Variants in CPT1A observed in about 807,000 individuals in gnomAD.
The protein encoded by CPT1A is carnitine palmitoyltransferase 1A, also known as carnitine O-palmitoyltransferase 1, liver isoform.
Under a neutral mutation model 100.8 loss-of-function variants are expected in CPT1A, and 64 were observed. The observed-to-expected ratio is 0.63, with a 90% CI of 0.52 to 0.78. CPT1A has a LOEUF of 0.78. Ranked by LOEUF, CPT1A falls within the 30% of genes least tolerant of loss-of-function variation. CPT1A has a pLI of 0.00. For missense variants in CPT1A, 802 were observed against 1,034.1 expected, an observed-to-expected ratio of 0.78 and a Z score of 3.08; for synonymous variants, 363 against 396.0, an observed-to-expected ratio of 0.92 and a Z score of 0.99.
chr11:68,821,908 T>C (rs1170124763), intron 1 of CPT1A, among the ~76,000 whole-genome samples: 1 of 151,916 alleles, frequency 6.6e-6, no homozygotes, highest in Admixed American at 6.6e-5. Flanking sequence ...CAATAGGGAG[T>C]GCAGATCTAA....
chr11:68,819,326 C>A (rs1480296967), intron 1 of CPT1A, among the ~76,000 whole-genome samples: 2 of 152,114 alleles, frequency 1.3e-5, no homozygotes, highest in African/African-American at 4.8e-5. Context: ...ATGATCCGCC[C>A]ACCTCGGCCT....
At chr11:68,836,205 G>A (rs1594381513) in intron 1 of CPT1A, among the ~76,000 whole-genome samples, 1 of 152,350 alleles carries the variant, frequency 6.6e-6, no homozygotes, top group African/African-American at 2.4e-5. Context: ...GCCCGGCGTG[G>A]TGGCTCATGC....
rs548620308 is a variant in CPT1A at position 68,763,274 on chromosome 11, T to G, written c.1741-513A>C. Among the ~76,000 whole-genome samples, 56 of 152,018 alleles carry G rather than the reference T, an allele frequency of 3.7e-4. No homozygotes were observed. In the Middle Eastern group the frequency reaches 0.027, roughly 74 times the overall value. On this transcript the variant is annotated intron_variant, in intron 14 of 18. Transcript: ENST00000265641. ...TGGGTCAGTTTCTAGGTTAACCAGG[T>G]TTCTGTTTCAAGATGCAACTGATAC...
chr11:68,767,609 T>C (rs116679162), intron 14 of CPT1A, among the ~76,000 whole-genome samples: 4,330 of 152,196 alleles, frequency 0.028, 191 homozygotes, highest in African/African-American at 0.096. Flanking sequence ...TACACATATA[T>C]ATGCCTTAGA....
At position 68,755,473 on chromosome 11, in the gene CPT1A, G is replaced by C. The variant is rs1037043083; in HGVS notation, c.*2171C>G. ...CGCCCAGGCTGGAGTGCAGTGGAGC[G>C]ATCTCGGCTCACTGCAAGCTCCGCC... is the stretch of plus-strand genomic sequence containing the variant. On this transcript the variant is annotated 3_prime_UTR_variant, in exon 19 of 19. Transcript: ENST00000265641. 1 of 153,138 alleles carries C rather than the reference G, an allele frequency of 6.5e-6. No individual in the cohort carries two copies. The highest frequency in any genetic ancestry group is 2.1e-4 in the South Asian group (1 of 4,862). 9.5% of individuals were successfully genotyped at this position (153,138 alleles called of 1,614,324 possible). A position where few individuals can be genotyped will look rare whatever the true frequency, so the allele number is the denominator to read the frequency against.
upstream of CPT1A, chr11:68,842,079 C>G (rs1857174114): frequency 1.8e-6 from 1 of 570,016 alleles, no homozygotes; most frequent in African/African-American, 2.0e-5. Context: ...GGAATGGGGT[C>G]TAGGACGAGA....
At chr11:68,788,630 TAAAAAAAAAAAA>T in intron 9 of CPT1A, among the ~76,000 whole-genome samples, 1 of 27,548 alleles carries the variant, frequency 3.6e-5, no homozygotes, top group Non-Finnish European at 6.2e-5. Context: ...CAAACAAAAG[TAAAAAAAAAAAA>T]AAAAAAAAAA....
rs1854968010 is a variant in CPT1A at position 68,770,878 on chromosome 11, A to T, written c.1740+2387T>A. 2.0e-5 allele frequency among the ~76,000 whole-genome samples: 3 copies of T among 152,182 alleles called. No individual in the cohort carries two copies. The South Asian group carries it at 6.2e-4, about 31-fold the overall frequency. ...CAGTGATGAGAGCCACAGGTTCTCG[A>T]ACAAGCCTGCCTGCTTCCGATCTCA... On this transcript the variant is annotated intron_variant, in intron 14 of 18. Transcript: ENST00000265641.
intron 13 of CPT1A, 150 bp downstream of exon 13, chr11:68,775,165 CG>C: frequency 1.5e-6 from 1 of 682,900 alleles, no homozygotes; most frequent in Non-Finnish European, 2.6e-6. Context: ...CGCAGACCCA[CG>C]GAACTCCCTG....
intron 12 of CPT1A, among the ~76,000 whole-genome samples, chr11:68,779,311 A>T (rs1855233314): frequency 6.6e-6 from 1 of 152,082 alleles, no homozygotes; most frequent in East Asian, 1.9e-4. Context: ...AAAGAAAAAG[A>T]TCTCAAGTCT....
intron 1 of CPT1A, among the ~76,000 whole-genome samples, chr11:68,817,227 G>A (rs1566379508): frequency 1.3e-5 from 2 of 151,320 alleles, no homozygotes; most frequent in South Asian, 2.1e-4. Context: ...TCCTGTTTTC[G>A]CCCACTGATG....
chr11:68,792,603 C>T (rs1017048551), intron 9 of CPT1A, among the ~76,000 whole-genome samples: 1 of 152,198 alleles, frequency 6.6e-6, no homozygotes, highest in Non-Finnish European at 1.5e-5. Context: ...CTGGTTTGGA[C>T]GGTGGCTTAC....
intron 14 of CPT1A, 109 bp from the exon 15 acceptor site, chr11:68,762,870 T>A: frequency 7.1e-7 from 1 of 1,417,890 alleles, no homozygotes; most frequent in Non-Finnish European, 9.8e-7. Context: ...ATTGTCAACA[T>A]TTTTTTGAGA....
At chr11:68,816,916 T>A (rs150644387) in intron 1 of CPT1A, among the ~76,000 whole-genome samples, 40 of 10,808 alleles carry the variant, frequency 3.7e-3, no homozygotes, top group Non-Finnish European at 0.012. Flanking sequence ...GTGTGTGTGG[T>A]GTGTGTGTGG....
intron 14 of CPT1A, among the ~76,000 whole-genome samples, chr11:68,770,699 A>C (rs1594324532): frequency 6.6e-6 from 1 of 152,216 alleles, no homozygotes. Flanking sequence ...CTGACACAAA[A>C]CCAGCCTCTC....
chr11:68,789,302 A>C (rs1472923481), intron 9 of CPT1A, among the ~76,000 whole-genome samples: 1 of 152,140 alleles, frequency 6.6e-6, no homozygotes, highest in African/African-American at 2.4e-5. Flanking sequence ...ATTGTGACTG[A>C]TGGGATCCTC....
chr11:68,756,508 G>A lies in CPT1A; in HGVS notation c.*1136C>T, dbSNP rs1382416281. On this transcript the variant is annotated 3_prime_UTR_variant, in exon 19 of 19. Transcript: ENST00000265641. Reference sequence around the variant, plus strand: ...CATACTGTCTCCATCACCCTCTGGTGAGTCTTTCCCCTCACCGGGTGGGAG... The same window carrying A: ...CATACTGTCTCCATCACCCTCTGGTAAGTCTTTCCCCTCACCGGGTGGGAG... 1 of 152,230 alleles carries A rather than the reference G, an allele frequency of 6.6e-6. No homozygotes were observed. The highest frequency in any genetic ancestry group is 2.4e-5 in the African/African-American group (1 of 41,458). 9.4% of individuals were successfully genotyped at this position (152,230 alleles called of 1,614,324 possible).
Position 68,757,456 on chromosome 11 carries a change from T to G in CPT1A, c.*188A>C, listed in dbSNP as rs1326902564. The G allele has an allele frequency of 1.1e-5, 16 of 1,459,256 alleles. No individual in the cohort carries two copies. The East Asian group carries it at 3.8e-4, about 35-fold the overall frequency. 90.4% of individuals were successfully genotyped at this position (1,459,256 alleles called of 1,614,324 possible). On this transcript the variant is annotated 3_prime_UTR_variant, in exon 19 of 19. Coordinates refer to ENST00000265641, the MANE Select transcript of CPT1A (RefSeq NM_001876.4). ...CCCCAAGGGAGGGCAAGTCTGGAAG[T>G]AGTGGGGTTATGCTTCACAGGGGAG...
chr11:68,760,064 G>C (rs1192995307), intron 17 of CPT1A, among the ~76,000 whole-genome samples, 161 bp downstream of exon 17: 3 of 152,096 alleles, frequency 2.0e-5, no homozygotes, highest in Non-Finnish European at 2.9e-5. Context: ...ATAAGTGCAA[G>C]ACTGCCAAGG....
Sources: gnomAD v4.1 joint callset for allele counts (sites outside exome capture counted in the v4.1 genomes callset) on GRCh38, gnomAD v4.1.1 for gene constraint, MANE v1.5 for transcripts, NCBI Gene and HGNC (gene_info 2026-07-23, HGNC 2026-07-21) for gene names.